OPRK1: variants seen among roughly 807,000 people sequenced by gnomAD.
OPRK1 encodes opioid receptor kappa 1, also known as kappa-type opioid receptor.
Under a neutral mutation model 24.5 loss-of-function variants are expected in OPRK1, and 15 were observed. That is an observed-to-expected ratio of 0.61 (90% CI 0.41 to 0.94). The LOEUF is 0.94. Ranked by LOEUF, OPRK1 falls within the 40% of genes least tolerant of loss-of-function variation. The pLI is 0.00. For missense variants in OPRK1, 479 were observed against 507.3 expected (o/e 0.94, Z 0.54); for synonymous variants, 205 against 198.0 (o/e 1.04, Z -0.30).
chr8:53,246,188 C>T (rs1807223518), intron 2 of OPRK1, among the ~76,000 whole-genome samples: 1 of 152,036 alleles, frequency 6.6e-6, no homozygotes, highest in Admixed American at 6.6e-5. Flanking sequence ...GTGGGGGAAG[C>T]CAAGGAGAGG....
At chr8:53,239,929 C>A (rs999480354) in intron 2 of OPRK1, among the ~76,000 whole-genome samples, 1 of 152,186 alleles carries the variant, frequency 6.6e-6, no homozygotes, top group Non-Finnish European at 1.5e-5. Flanking sequence ...GGAACTCAGG[C>A]TTGTCTTATT....
chr8:53,249,592 C>A (rs1041437075), intron 2 of OPRK1, among the ~76,000 whole-genome samples: 1 of 151,910 alleles, frequency 6.6e-6, no homozygotes, highest in African/African-American at 2.4e-5. Context: ...TTTTTAATGT[C>A]AGAGCATACA....
chr8:53,250,069 CCACACACACACACA>C (rs369426050), intron 2 of OPRK1, among the ~76,000 whole-genome samples: 149 of 130,498 alleles, frequency 1.1e-3, no homozygotes, highest in African/African-American at 3.7e-3. Context: ...GAAGAAATTT[CCACACACACACACA>C]CACACACACA....
chr8:53,235,180 G>T, intron 2 of OPRK1, 69 bp from the exon 3 acceptor site: 1 of 1,330,028 alleles, frequency 7.5e-7, no homozygotes, highest in African/African-American at 1.5e-5. Context: ...ATGTGTTTGT[G>T]ATAGCCTTTG....
intron 3 of OPRK1, among the ~76,000 whole-genome samples, chr8:53,231,152 T>G (rs1806844940): frequency 6.6e-6 from 1 of 152,200 alleles, no homozygotes; most frequent in African/African-American, 2.4e-5. Context: ...TTTTGATTTT[T>G]TAAAAAAGTC....
chr8:53,250,733 A>C, intron 2 of OPRK1, 48 bp downstream of exon 2: 3 of 1,504,286 alleles, frequency 2.0e-6, no homozygotes, highest in East Asian at 2.5e-5. Context: ...CCTGACCCTC[A>C]CTCCCTGCCC....
intron 2 of OPRK1, among the ~76,000 whole-genome samples, chr8:53,247,695 G>A (rs1046846344): frequency 3.6e-4 from 55 of 151,968 alleles, no homozygotes; most frequent in Non-Finnish European, 6.6e-4. Flanking sequence ...GGAACCACAG[G>A]ATTAGAATCA....
chr8:53,235,770 T>C (rs1275945081), intron 2 of OPRK1, among the ~76,000 whole-genome samples: 1 of 152,200 alleles, frequency 6.6e-6, no homozygotes, highest in Non-Finnish European at 1.5e-5. Flanking sequence ...AATTCTGTCT[T>C]TCTTTACTCC....
At chr8:53,237,774 T>A (rs1233250021) in intron 2 of OPRK1, among the ~76,000 whole-genome samples, 1 of 152,246 alleles carries the variant, frequency 6.6e-6, no homozygotes. Context: ...TACTTGATTC[T>A]CGAAACTACT....
At chr8:53,239,236 T>G (rs1807062474) in intron 2 of OPRK1, among the ~76,000 whole-genome samples, 1 of 152,160 alleles carries the variant, frequency 6.6e-6, no homozygotes, top group African/African-American at 2.4e-5. Context: ...ATACTAGACT[T>G]TGAGGATGAC....
In OPRK1 at chr8:53,247,793, T is replaced by C. The variant is rs188922432; in HGVS notation, c.257+2988A>G. Reference sequence around the variant, plus strand: ...GGCAGATCACTTGAGATCAGGAGTTTGAGACCAGCCTGCACAACATGGTGC... The same window carrying C: ...GGCAGATCACTTGAGATCAGGAGTTCGAGACCAGCCTGCACAACATGGTGC... On this transcript the variant is annotated intron_variant, in intron 2 of 3. Transcript: ENST00000265572. Among the ~76,000 whole-genome samples the C allele has an allele frequency of 8.5e-3, 1,287 of 151,850 alleles. 8 individuals carry two copies. The highest frequency in any genetic ancestry group is 0.013 in the Non-Finnish European group (917 of 67,928).
At chr8:53,232,638 T>C (rs1450424581) in intron 3 of OPRK1, among the ~76,000 whole-genome samples, 1 of 152,212 alleles carries the variant, frequency 6.6e-6, no homozygotes, top group Admixed American at 6.5e-5. Context: ...GAAGTATCCA[T>C]ACAACTGCCT....
rs199953513 is a variant in OPRK1, at chr8:53,251,562, C to G, written c.-163G>C. 1 of 152,784 alleles carries G rather than the reference C, an allele frequency of 6.5e-6. No individual in the cohort carries two copies. Among genetic ancestry groups the G allele is most frequent in the African/African-American group, 2.4e-5 (1 of 41,592 alleles). The allele number at this position is 152,784 out of a possible 1,614,324, so 9.5% of individuals were successfully genotyped here. A position where few individuals can be genotyped will look rare whatever the true frequency, so the allele number is the denominator to read the frequency against. On this transcript the variant is annotated 5_prime_UTR_variant, in exon 1 of 4. Coordinates refer to ENST00000265572, the MANE Select transcript of OPRK1 (RefSeq NM_000912.5). ...CTTGGCATCACCTGCTCTCGGACCCCGGCCCCGCTCTCCGCCCGAGGGCTG... is the reference window on the plus strand; with the variant it reads ...CTTGGCATCACCTGCTCTCGGACCCGGGCCCCGCTCTCCGCCCGAGGGCTG...
At chr8:53,239,971 C>T (rs754370261) in intron 2 of OPRK1, among the ~76,000 whole-genome samples, 4 of 152,188 alleles carry the variant, frequency 2.6e-5, no homozygotes, top group Non-Finnish European at 5.9e-5. Flanking sequence ...GGTATTTTAT[C>T]AGAGAAATAA....
Position 53,251,023 on chromosome 8 carries a change from G to T in OPRK1, c.15C>A (p.Ile5=), listed in dbSNP as rs1051659. The T allele has an allele frequency of 6.4e-7, 1 of 1,561,420 alleles. No homozygotes were observed. The highest frequency in any genetic ancestry group is 8.6e-7 in the Non-Finnish European group (1 of 1,157,690). The change falls in exon 2 of 4, where the codon ATC becomes ATA. Residue 5 remains isoleucine, a synonymous_variant. Transcript: ENST00000265572. ...GGCCCGGCTCCCCGCGGAAGATCTG[G>T]ATCGGGGAGTCCATGGTGGGGCGAT... is the stretch of plus-strand genomic sequence containing the variant. The part of the protein sequence containing the change: MDSP[I]QIFRGEPGPT...
intron 2 of OPRK1, among the ~76,000 whole-genome samples, chr8:53,244,979 T>C (rs7836120): frequency 0.22 from 34,233 of 152,188 alleles, 4,537 homozygotes; most frequent in African/African-American, 0.37. Flanking sequence ...ATATAACTTA[T>C]GCAGATCCTC....
chr8:53,238,471 G>A (rs970526722), intron 2 of OPRK1: 18 of 884,876 alleles, frequency 2.0e-5, no homozygotes, highest in African/African-American at 3.6e-5. Context: ...AAAACAGTAC[G>A]GTGCATGGAA....
At chr8:53,234,594 A>C (rs1044424587) in intron 3 of OPRK1, among the ~76,000 whole-genome samples, 165 bp downstream of exon 3, 2 of 152,172 alleles carry the variant, frequency 1.3e-5, no homozygotes, top group Non-Finnish European at 2.9e-5. Flanking sequence ...GTGGAAAGGG[A>C]CACAAAATTG....
At chr8:53,233,306 G>A (rs533978012) in intron 3 of OPRK1, among the ~76,000 whole-genome samples, 1 of 152,314 alleles carries the variant, frequency 6.6e-6, no homozygotes, top group East Asian at 1.9e-4. Flanking sequence ...GGACCACTCT[G>A]TAGGGGAGGA....
Sources: gnomAD v4.1 joint callset for allele counts (sites outside exome capture counted in the v4.1 genomes callset) on GRCh38, gnomAD v4.1.1 for gene constraint, MANE v1.5 for transcripts, NCBI Gene and HGNC (gene_info 2026-07-23, HGNC 2026-07-21) for gene names.